Variants in SH3D19 observed in about 807,000 individuals in gnomAD.
SH3D19 encodes SH3 domain-containing protein 19.
SH3D19 carries 58 observed loss-of-function variants against 112.1 expected under a neutral mutation model. The ratio of observed to expected loss-of-function variants is 0.52; its 90% CI spans 0.42 to 0.64. The LOEUF (loss-of-function observed/expected upper bound fraction) is 0.64, where lower values mean the gene tolerates loss of function less well. SH3D19 is among the 30% of genes least tolerant of loss of function. The probability of loss-of-function intolerance (pLI) is 0.00; values close to 1 mark genes in which losing one functional copy is unlikely to be tolerated. For missense variants in SH3D19, 1,090 were observed against 1,263.4 expected, an observed-to-expected ratio of 0.86 and a Z score of 2.08; for synonymous variants, 391 against 448.5, an observed-to-expected ratio of 0.87 and a Z score of 1.62.
chr4:151,293,229 G>A (rs1021155485), intron 1 of SH3D19, among the ~76,000 whole-genome samples: 6 of 152,194 alleles, frequency 3.9e-5, no homozygotes, highest in Non-Finnish European at 7.3e-5. Context: ...CCAGCACTTT[G>A]GGAGGCCGAG....
chr4:151,243,690 T>C (rs1770720422), intron 1 of SH3D19, among the ~76,000 whole-genome samples: 1 of 152,222 alleles, frequency 6.6e-6, no homozygotes, highest in African/African-American at 2.4e-5. Context: ...ACACTAGATC[T>C]GTATCATATG....
intron 19 of SH3D19, among the ~76,000 whole-genome samples, chr4:151,124,018 G>A (rs1748611205): frequency 6.6e-6 from 1 of 151,988 alleles, no homozygotes; most frequent in African/African-American, 2.4e-5. Context: ...GTTCCTTCTG[G>A]TTCCTAAATT....
chr4:151,166,456 A>G (rs1040862649), intron 7 of SH3D19: 3 of 152,098 alleles, frequency 2.0e-5, no homozygotes, highest in Non-Finnish European at 4.4e-5. Flanking sequence ...AGTTTTTAAT[A>G]TAAGTGTCCT....
chr4:151,266,386 T>C lies in SH3D19; in HGVS notation c.113-40300A>G, dbSNP rs373121385. On this transcript the variant is annotated intron_variant, in intron 1 of 19. Coordinates refer to ENST00000604030, the MANE Select transcript of SH3D19 (RefSeq NM_001378122.1). ...TTATAGAAAAGTGGTCTTTCAGTTT[T>C]TGTAAAGATGAGCTATTTCATCTTT... 4 of 152,342 alleles carry C rather than the reference T, an allele frequency of 2.6e-5. No individual in the cohort carries two copies. In the East Asian group the frequency reaches 5.8e-4, roughly 22 times the overall value. 9.4% of individuals were successfully genotyped at this position (152,342 alleles called of 1,614,324 possible). A position where few individuals can be genotyped will look rare whatever the true frequency, so the allele number is the denominator to read the frequency against.
intron 1 of SH3D19, among the ~76,000 whole-genome samples, chr4:151,237,280 C>A (rs879689012): frequency 1.3e-5 from 2 of 152,174 alleles, no homozygotes; most frequent in Non-Finnish European, 2.9e-5. Flanking sequence ...GACATAAGGT[C>A]ACAAACCTTT....
chr4:151,244,623 A>G (rs980840493), intron 1 of SH3D19, among the ~76,000 whole-genome samples: 1 of 152,248 alleles, frequency 6.6e-6, no homozygotes, highest in African/African-American at 2.4e-5. Context: ...CACAGTGTGT[A>G]CAGTCAAGTG....
At chr4:151,306,007 T>C (rs1251435677) in intron 1 of SH3D19, among the ~76,000 whole-genome samples, 1 of 152,234 alleles carries the variant, frequency 6.6e-6, no homozygotes, top group Non-Finnish European at 1.5e-5. Context: ...GGCATTCTCC[T>C]GAGTAAAAGA....
At chr4:151,147,234 C>G (rs566871961) in intron 11 of SH3D19, among the ~76,000 whole-genome samples, 8 of 152,000 alleles carry the variant, frequency 5.3e-5, no homozygotes, top group Admixed American at 5.2e-4. Flanking sequence ...TCACTGCACT[C>G]GAGTCTGGGT....
chr4:151,187,818 G>A (rs1451569985), intron 2 of SH3D19, among the ~76,000 whole-genome samples: 2 of 152,110 alleles, frequency 1.3e-5, no homozygotes. Flanking sequence ...GTTTGACACT[G>A]AAATTCCTAT....
At chr4:151,131,459 T>C (rs555598772) in intron 17 of SH3D19, among the ~76,000 whole-genome samples, 2 of 152,002 alleles carry the variant, frequency 1.3e-5, no homozygotes, top group Admixed American at 6.6e-5. Flanking sequence ...TAGCCACTTA[T>C]GGTATCTCTT....
intron 2 of SH3D19, among the ~76,000 whole-genome samples, chr4:151,214,991 C>T (rs1331442146): frequency 6.9e-6 from 1 of 145,488 alleles, no homozygotes; most frequent in South Asian, 2.3e-4. Flanking sequence ...ACCTCCCAGA[C>T]GGGGTCGCGA....
At chr4:151,248,114 C>A (rs957995669) in intron 1 of SH3D19, among the ~76,000 whole-genome samples, 1 of 151,088 alleles carries the variant, frequency 6.6e-6, no homozygotes. Flanking sequence ...TAATGTTTTA[C>A]TTTTTTTTTT....
chr4:151,262,586 C>T (rs1171066998), intron 1 of SH3D19: 1 of 152,276 alleles, frequency 6.6e-6, no homozygotes, highest in East Asian at 1.9e-4. Context: ...CCAGGAGTGT[C>T]TGGACAGGCC....
intron 1 of SH3D19, among the ~76,000 whole-genome samples, chr4:151,249,750 ACT>A (rs1048970170): frequency 6.6e-6 from 1 of 152,110 alleles, no homozygotes; most frequent in Non-Finnish European, 1.5e-5. Context: ...GACTTTCATT[ACT>A]CTCTCTTTCT....
intron 1 of SH3D19, among the ~76,000 whole-genome samples, chr4:151,247,658 C>T (rs1236437292): frequency 6.6e-6 from 1 of 152,142 alleles, no homozygotes; most frequent in Non-Finnish European, 1.5e-5. Flanking sequence ...CACTTGCAGT[C>T]AATCCCTGCT....
intron 1 of SH3D19, among the ~76,000 whole-genome samples, chr4:151,313,403 G>GTATT (rs142590729): frequency 0.25 from 37,036 of 149,704 alleles, 5,102 homozygotes; most frequent in East Asian, 0.36. Context: ...CATATTTTAT[G>GTATT]TATTTATTTA....
At chr4:151,164,712 T>A (rs1315775730) in intron 8 of SH3D19, among the ~76,000 whole-genome samples, 1 of 152,026 alleles carries the variant, frequency 6.6e-6, no homozygotes, top group Non-Finnish European at 1.5e-5. Context: ...CCCAAGTAGT[T>A]GGGACTACAG....
At chr4:151,263,521 T>C (rs1445911075) in intron 1 of SH3D19, among the ~76,000 whole-genome samples, 1 of 152,114 alleles carries the variant, frequency 6.6e-6, no homozygotes, top group Admixed American at 6.5e-5. Context: ...ACAATGAACA[T>C]TTATTATCTC....
At chr4:151,239,123 C>T (rs1770361227) in intron 1 of SH3D19, among the ~76,000 whole-genome samples, 1 of 152,158 alleles carries the variant, frequency 6.6e-6, no homozygotes, top group African/African-American at 2.4e-5. Context: ...TTTGATCTTC[C>T]ACAGGCAGAA....
Sources: allele counts gnomAD v4.1 joint callset (sites outside exome capture counted in the v4.1 genomes callset), GRCh38; gene constraint gnomAD v4.1.1; transcripts MANE v1.5; gene names NCBI Gene and HGNC (gene_info 2026-07-23, HGNC 2026-07-21).